Variants in CLYBL observed in about 807,000 individuals in gnomAD.
The protein encoded by CLYBL is citramalyl-CoA lyase, also known as citramalyl-CoA lyase, mitochondrial.
A neutral mutation model predicts 38.9 loss-of-function variants in CLYBL; 31 were observed. That is an observed-to-expected ratio of 0.80 (90% confidence interval 0.60 to 1.08). The LOEUF (loss-of-function observed/expected upper bound fraction) is 1.08. CLYBL is among the 50% of genes least tolerant of loss of function. CLYBL has a pLI of 0.00. For synonymous variants in CLYBL, 171 were observed against 158.6 expected (o/e 1.08, Z -0.59); for missense variants, 434 against 411.6 (o/e 1.05, Z -0.47).
intron 1 of CLYBL, among the ~76,000 whole-genome samples, chr13:99,691,326 T>C (rs1231743902): frequency 6.6e-6 from 1 of 152,176 alleles, no homozygotes; most frequent in Non-Finnish European, 1.5e-5. Context: ...ATAAATTAGT[T>C]ACAAACTAAT....
At chr13:99,700,925 T>C (rs1443946602) in intron 1 of CLYBL, among the ~76,000 whole-genome samples, 1 of 152,214 alleles carries the variant, frequency 6.6e-6, no homozygotes, top group Admixed American at 6.5e-5. Flanking sequence ...TTTTTTTCCC[T>C]CTCTGATTGT....
At chr13:99,735,055 C>T (rs1008069621) in intron 1 of CLYBL, among the ~76,000 whole-genome samples, 1 of 152,184 alleles carries the variant, frequency 6.6e-6, no homozygotes, top group Non-Finnish European at 1.5e-5. Context: ...ACTATCTGGC[C>T]CTTTCAGTCA....
chr13:99,744,134 G>A (rs964667497), intron 1 of CLYBL, among the ~76,000 whole-genome samples: 3 of 151,742 alleles, frequency 2.0e-5, no homozygotes, highest in Non-Finnish European at 4.4e-5. Flanking sequence ...CACCACGCCC[G>A]GTTAATTTTT....
intron 1 of CLYBL, among the ~76,000 whole-genome samples, chr13:99,629,752 C>G (rs2046917586): frequency 6.6e-6 from 1 of 152,152 alleles, no homozygotes; most frequent in African/African-American, 2.4e-5. Flanking sequence ...CCCAGGAGAT[C>G]ATGTTGTCTG....
chr13:99,819,963 A>G (rs868787263), intron 2 of CLYBL, among the ~76,000 whole-genome samples: 9 of 152,292 alleles, frequency 5.9e-5, no homozygotes, highest in Admixed American at 3.9e-4. Context: ...GACACATAAA[A>G]TTAACCATCA....
At chr13:99,631,331 ATGTGTGTGTGTG>A (rs10643696) in intron 1 of CLYBL, among the ~76,000 whole-genome samples, 9 of 145,272 alleles carry the variant, frequency 6.2e-5, no homozygotes, top group African/African-American at 1.8e-4. Context: ...CCAAATATTT[ATGTGTGTGTGTG>A]TGTGTGTGTG....
intron 1 of CLYBL, among the ~76,000 whole-genome samples, chr13:99,669,360 A>G (rs149651353): frequency 2.6e-5 from 4 of 152,118 alleles, no homozygotes; most frequent in Non-Finnish European, 5.9e-5. Flanking sequence ...CGTGAAGAAC[A>G]TGTAGCTTGT....
intron 6 of CLYBL, 51 bp from the exon 7 acceptor site, chr13:99,870,887 T>G: frequency 6.5e-7 from 1 of 1,547,240 alleles, no homozygotes; most frequent in Non-Finnish European, 8.7e-7. Flanking sequence ...ACATTTTGTT[T>G]GAACATCTGT....
At chr13:99,608,725 T>C (rs752438787) in intron 1 of CLYBL, among the ~76,000 whole-genome samples, 6 of 152,198 alleles carry the variant, frequency 3.9e-5, no homozygotes, top group Admixed American at 1.3e-4. Flanking sequence ...TATAGGATTC[T>C]TGATTGGCAT....
intron 2 of CLYBL, among the ~76,000 whole-genome samples, chr13:99,796,214 G>A (rs1251842383): frequency 6.6e-6 from 1 of 152,184 alleles, no homozygotes; most frequent in Non-Finnish European, 1.5e-5. Flanking sequence ...CTGGAGACAT[G>A]CTGCATGCCA....
At chr13:99,672,639 G>A (rs1387093002) in intron 1 of CLYBL, among the ~76,000 whole-genome samples, 1 of 151,618 alleles carries the variant, frequency 6.6e-6, no homozygotes, top group Non-Finnish European at 1.5e-5. Flanking sequence ...AGCCAGGCGT[G>A]GTGGTGTGTG....
intron 2 of CLYBL, among the ~76,000 whole-genome samples, chr13:99,776,830 C>G (rs1339206382): frequency 6.6e-6 from 1 of 151,520 alleles, no homozygotes; most frequent in Non-Finnish European, 1.5e-5. Context: ...TGATTACATT[C>G]ATTTTACAAG....
At chr13:99,890,608 G>GGTGT (rs2052464375) in intron 7 of CLYBL, among the ~76,000 whole-genome samples, 1 of 152,114 alleles carries the variant, frequency 6.6e-6, no homozygotes, top group Admixed American at 6.6e-5. Context: ...TGGGAGTACA[G>GGTGT]GCGTGCACCA....
At chr13:99,712,624 A>C (rs1193958463) in intron 1 of CLYBL, among the ~76,000 whole-genome samples, 2 of 152,012 alleles carry the variant, frequency 1.3e-5, no homozygotes, top group Non-Finnish European at 2.9e-5. Flanking sequence ...TGGGATTACA[A>C]GTGTGAGCTA....
At chr13:99,708,394 G>A (rs2048178328) in intron 1 of CLYBL, among the ~76,000 whole-genome samples, 1 of 152,030 alleles carries the variant, frequency 6.6e-6, no homozygotes, top group African/African-American at 2.4e-5. Flanking sequence ...CACTCACTTG[G>A]CCATTTATGC....
At chr13:99,822,396 G>T (rs1391851505) in intron 2 of CLYBL, among the ~76,000 whole-genome samples, 1 of 152,202 alleles carries the variant, frequency 6.6e-6, no homozygotes, top group South Asian at 2.1e-4. Flanking sequence ...AGAAGTCAAA[G>T]AAATGGTTCA....
intron 2 of CLYBL, among the ~76,000 whole-genome samples, chr13:99,836,619 A>T (rs1594212303): frequency 6.6e-6 from 1 of 152,222 alleles, no homozygotes; most frequent in Non-Finnish European, 1.5e-5. Context: ...GATTACAGGG[A>T]TCTGTTAAAA....
At chr13:99,643,903 G>A (rs1278574802) in intron 1 of CLYBL, among the ~76,000 whole-genome samples, 6 of 151,366 alleles carry the variant, frequency 4.0e-5, no homozygotes, top group Non-Finnish European at 8.8e-5. Context: ...TTTTCGGGAG[G>A]CTGAGGCAGG....
chr13:99,667,607 G>T (rs1355305713), intron 1 of CLYBL, among the ~76,000 whole-genome samples: 1 of 152,078 alleles, frequency 6.6e-6, no homozygotes, highest in Non-Finnish European at 1.5e-5. Flanking sequence ...GAGTACAATT[G>T]AACATTTTAA....
Sources: allele counts gnomAD v4.1 joint callset (sites outside exome capture counted in the v4.1 genomes callset), GRCh38; gene constraint gnomAD v4.1.1; transcripts MANE v1.5; gene names NCBI Gene and HGNC (gene_info 2026-07-23, HGNC 2026-07-21).